CACNA2D3: variants seen among roughly 807,000 people sequenced by gnomAD.
CACNA2D3 encodes the protein voltage-dependent calcium channel subunit alpha-2/delta-3.
In CACNA2D3, 60 loss-of-function variants were observed where a neutral mutation model predicts 160.6. The observed-to-expected ratio is 0.37, with a 90% CI of 0.30 to 0.46. The LOEUF is 0.46. CACNA2D3 is among the 20% of genes least tolerant of loss of function. CACNA2D3 has a pLI of 1.00. For synonymous variants in CACNA2D3, 558 were observed against 492.9 expected, an observed-to-expected ratio of 1.13 and a Z score of -1.75; for missense variants, 1,205 against 1,365.0, an observed-to-expected ratio of 0.88 and a Z score of 1.85.
chr3:54,931,651 C>T (rs190447840), intron 27 of CACNA2D3, among the ~76,000 whole-genome samples: 46 of 152,322 alleles, frequency 3.0e-4, no homozygotes, highest in Admixed American at 2.9e-3. Context: ...GCTGCAGATG[C>T]ACCCGTAGAG....
At chr3:54,245,747 A>G (rs1702060222) in intron 2 of CACNA2D3, among the ~76,000 whole-genome samples, 1 of 152,244 alleles carries the variant, frequency 6.6e-6, no homozygotes. Flanking sequence ...ATGAATACTG[A>G]TTATGGAAAA....
At chr3:54,478,049 C>T (rs1700861092) in intron 4 of CACNA2D3, among the ~76,000 whole-genome samples, 2 of 152,182 alleles carry the variant, frequency 1.3e-5, no homozygotes, top group Admixed American at 1.3e-4. Flanking sequence ...CAAGACAGAG[C>T]AGGCAACTAT....
chr3:54,258,297 AT>A (rs1300253299), intron 2 of CACNA2D3, among the ~76,000 whole-genome samples: 1 of 152,212 alleles, frequency 6.6e-6, no homozygotes, highest in African/African-American at 2.4e-5. Context: ...TCCAACCAGT[AT>A]TTATTGAGTG....
chr3:54,724,711 T>C (rs1460927886), intron 11 of CACNA2D3, among the ~76,000 whole-genome samples: 3 of 152,192 alleles, frequency 2.0e-5, no homozygotes, highest in African/African-American at 7.2e-5. Context: ...AGAGATGTTC[T>C]TTGAAACCAA....
chr3:54,132,662 GA>G (rs1265647860), intron 2 of CACNA2D3, among the ~76,000 whole-genome samples: 2 of 151,954 alleles, frequency 1.3e-5, no homozygotes, highest in East Asian at 1.9e-4. Flanking sequence ...TGAATGATAG[GA>G]AAAAAATATG....
At chr3:54,384,260 G>T (rs185033079) in intron 3 of CACNA2D3, among the ~76,000 whole-genome samples, 3 of 151,946 alleles carry the variant, frequency 2.0e-5, no homozygotes, top group Non-Finnish European at 4.4e-5. Context: ...CATTTTTTAT[G>T]TGTTGCAGTA....
chr3:54,180,273 G>T (rs1221553516), intron 2 of CACNA2D3, among the ~76,000 whole-genome samples: 1 of 152,086 alleles, frequency 6.6e-6, no homozygotes, highest in African/African-American at 2.4e-5. Context: ...TTGGCCAGGT[G>T]GGAACCATGC....
At chr3:54,903,369 C>T (rs1341665110) in intron 27 of CACNA2D3, among the ~76,000 whole-genome samples, 1 of 152,190 alleles carries the variant, frequency 6.6e-6, no homozygotes, top group East Asian at 1.9e-4. Flanking sequence ...ATCTGTGTTC[C>T]TGCAAAGGAC....
chr3:54,648,424 A>G (rs561403920), intron 11 of CACNA2D3, among the ~76,000 whole-genome samples: 4 of 152,346 alleles, frequency 2.6e-5, no homozygotes, highest in East Asian at 3.9e-4. Flanking sequence ...AAAATTTACT[A>G]TCAAGCCCTT....
chr3:55,010,937 C>T (rs1387348741), intron 34 of CACNA2D3, among the ~76,000 whole-genome samples: 2 of 152,254 alleles, frequency 1.3e-5, no homozygotes, highest in Non-Finnish European at 2.9e-5. Flanking sequence ...TCTCTTAACA[C>T]CTAACTGGTG....
At chr3:55,005,140 G>A (rs1483780058) in intron 32 of CACNA2D3, among the ~76,000 whole-genome samples, 1 of 152,082 alleles carries the variant, frequency 6.6e-6, no homozygotes, top group Non-Finnish European at 1.5e-5. Context: ...GCCAGGCGTG[G>A]TGGCGTGTGC....
At chr3:54,255,317 C>A (rs1702271949) in intron 2 of CACNA2D3, among the ~76,000 whole-genome samples, 1 of 152,144 alleles carries the variant, frequency 6.6e-6, no homozygotes, top group South Asian at 2.1e-4. Context: ...TTTGATACAT[C>A]AGAGGGGGAC....
At chr3:54,915,196 C>T (rs1700634993) in intron 27 of CACNA2D3, among the ~76,000 whole-genome samples, 1 of 152,102 alleles carries the variant, frequency 6.6e-6, no homozygotes, top group African/African-American at 2.4e-5. Context: ...GGATATTTGC[C>T]TTATTTGTAA....
chr3:54,144,461 G>A (rs1321250124), intron 2 of CACNA2D3, among the ~76,000 whole-genome samples: 2 of 152,240 alleles, frequency 1.3e-5, no homozygotes, highest in Non-Finnish European at 2.9e-5. Context: ...GCTGCCCTGT[G>A]TGTGTGCATT....
Position 54,980,313 on chromosome 3 carries a change from G to A in CACNA2D3, c.2557-4295G>A, listed in dbSNP as rs186842548. On this transcript the variant is annotated intron_variant, in intron 29 of 37. Transcript: ENST00000474759. ...AAAAACCTGTTGTGCTTTTATTCCA[G>A]TGTTTAATTTACAGAAAAACTGAAT... Among the ~76,000 whole-genome samples, 875 of 152,214 alleles carry A rather than the reference G, an allele frequency of 5.7e-3. 5 individuals carry two copies. The highest frequency in any genetic ancestry group is 7.6e-3 in the Non-Finnish European group (515 of 68,004).
chr3:54,455,061 G>A (rs1028305323), intron 4 of CACNA2D3, among the ~76,000 whole-genome samples: 4 of 152,198 alleles, frequency 2.6e-5, no homozygotes, highest in Admixed American at 6.5e-5. Flanking sequence ...ACATGGGGGC[G>A]CAGATATCTC....
chr3:54,825,799 C>G (rs1703735959), intron 14 of CACNA2D3, among the ~76,000 whole-genome samples: 1 of 152,128 alleles, frequency 6.6e-6, no homozygotes, highest in Non-Finnish European at 1.5e-5. Context: ...AAAACCAAAT[C>G]TATGTAAAAT....
rs539799365 is a variant in CACNA2D3 at position 54,548,239 on chromosome 3, A to G, written c.545-14561A>G. Among the ~76,000 whole-genome samples, 19 of 152,356 alleles carry G rather than the reference A, an allele frequency of 1.2e-4. No individual in the cohort carries two copies. The South Asian group carries it at 3.5e-3, about 28-fold the overall frequency. ...GTGATTACTTTAAGCTTTTCTCTAA[A>G]TGACTTACTCTTTATTTTCATCTAA... is the stretch of plus-strand genomic sequence containing the variant. On this transcript the variant is annotated intron_variant, in intron 5 of 37. Coordinates refer to ENST00000474759, the MANE Select transcript of CACNA2D3 (RefSeq NM_018398.3).
At position 54,936,307 on chromosome 3, in the gene CACNA2D3, A is replaced by C. The variant is rs1320500251; in HGVS notation, c.2450-32143A>C. On this transcript the variant is annotated intron_variant, in intron 27 of 37. Coordinates refer to ENST00000474759, the MANE Select transcript of CACNA2D3 (RefSeq NM_018398.3). ...ACAAAAACAGGCAAGTTAAATGCAA[A>C]GGAGTATTCTGCCCGTGGACAGAGC... Among the ~76,000 whole-genome samples, 9 of 152,192 alleles carry C rather than the reference A, an allele frequency of 5.9e-5. No homozygotes were observed. The East Asian group carries it at 1.7e-3, about 29-fold the overall frequency.
Sources: gnomAD v4.1 joint callset for allele counts (sites outside exome capture counted in the v4.1 genomes callset) on GRCh38, gnomAD v4.1.1 for gene constraint, MANE v1.5 for transcripts, NCBI Gene and HGNC (gene_info 2026-07-23, HGNC 2026-07-21) for gene names.